Variants in GLIS3 observed in about 807,000 individuals in gnomAD.
GLIS3 encodes the protein zinc finger protein GLIS3.
A neutral mutation model predicts 78.6 loss-of-function variants in GLIS3; 53 were observed. That is an observed-to-expected ratio of 0.67 (90% confidence interval 0.54 to 0.85). The LOEUF (loss-of-function observed/expected upper bound fraction) is 0.85. GLIS3 is among the 40% of genes least tolerant of loss of function. The pLI is 0.00. For synonymous variants in GLIS3, 684 were observed against 509.9 expected (o/e 1.34, Z -4.60); for missense variants, 1,703 against 1,231.1 (o/e 1.38, Z -5.74).
intron 6 of GLIS3, among the ~76,000 whole-genome samples, chr9:3,919,526 A>AT (rs1824731810): frequency 2.0e-5 from 3 of 152,080 alleles, no homozygotes; most frequent in South Asian, 2.1e-4. Flanking sequence ...AAAATAACTA[A>AT]TAGGTAGTAT....
At chr9:4,272,304 C>T (rs1826582846) in intron 2 of GLIS3, among the ~76,000 whole-genome samples, 1 of 152,168 alleles carries the variant, frequency 6.6e-6, no homozygotes. Flanking sequence ...GACACTACAC[C>T]ACCACACATA....
the GLIS3 span, among the ~76,000 whole-genome samples, chr9:4,440,395 C>T: frequency 2.6e-5 from 4 of 152,124 alleles, no homozygotes; most frequent in African/African-American, 9.7e-5. Context: ...CTTCTTCTGC[C>T]TGTGGATATC....
intron 2 of GLIS3, among the ~76,000 whole-genome samples, chr9:4,182,628 T>C (rs1450879195): frequency 6.6e-6 from 1 of 152,168 alleles, no homozygotes; most frequent in Non-Finnish European, 1.5e-5. Context: ...TCGCACTCAC[T>C]CTTCATCTTC....
chr9:4,409,372 T>A, the GLIS3 span, among the ~76,000 whole-genome samples: 1 of 152,284 alleles, frequency 6.6e-6, no homozygotes, highest in East Asian at 1.9e-4. Context: ...TGTTCTCCAT[T>A]TTTTACTTAG....
At chr9:3,969,585 T>C (rs1818223932) in intron 4 of GLIS3, among the ~76,000 whole-genome samples, 1 of 152,224 alleles carries the variant, frequency 6.6e-6, no homozygotes, top group Admixed American at 6.5e-5. Context: ...TTGTTTATAG[T>C]AATCAGCACC....
chr9:4,150,309 A>G (rs1834573209), intron 2 of GLIS3, among the ~76,000 whole-genome samples: 1 of 152,242 alleles, frequency 6.6e-6, no homozygotes, highest in South Asian at 2.1e-4. Flanking sequence ...CCAGCCACTG[A>G]CTGTCCTCTG....
At chr9:4,438,794 G>T in the GLIS3 span, among the ~76,000 whole-genome samples, 1 of 152,144 alleles carries the variant, frequency 6.6e-6, no homozygotes, top group Non-Finnish European at 1.5e-5. Flanking sequence ...GACGTGTCTT[G>T]CTTCCCCTTC....
At chr9:3,961,205 G>C (rs567722877) in intron 4 of GLIS3, among the ~76,000 whole-genome samples, 1 of 152,286 alleles carries the variant, frequency 6.6e-6, no homozygotes, top group African/African-American at 2.4e-5. Flanking sequence ...AACCCGCTGT[G>C]CTCTTGCTGT....
intron 4 of GLIS3, among the ~76,000 whole-genome samples, chr9:3,981,639 T>C (rs1030313185): frequency 1.8e-4 from 27 of 152,304 alleles, no homozygotes; most frequent in Admixed American, 1.5e-3. Flanking sequence ...ATCAGGGGTA[T>C]GATACATAGT....
intron 1 of GLIS3, among the ~76,000 whole-genome samples, chr9:4,292,757 A>G (rs556462417): frequency 6.6e-6 from 1 of 152,326 alleles, no homozygotes; most frequent in South Asian, 2.1e-4. Context: ...GGGGATAGGT[A>G]ACTTCCCTGG....
At chr9:4,083,372 G>T (rs1828722104) in intron 4 of GLIS3, among the ~76,000 whole-genome samples, 1 of 151,922 alleles carries the variant, frequency 6.6e-6, no homozygotes, top group South Asian at 2.1e-4. Flanking sequence ...CCTTACCACA[G>T]CCCTCTAGGT....
In GLIS3 at chr9:4,283,120, C is replaced by G. The variant is rs891613187; in HGVS notation, c.388+2918G>C. On this transcript the variant is annotated intron_variant, in intron 2 of 10. Transcript: ENST00000381971. ...ACATACACACACACACACACACACA[C>G]AGGAATGCACTTTGCAGGATTGCAA... is the stretch of plus-strand genomic sequence containing the variant. Among the ~76,000 whole-genome samples the G allele has an allele frequency of 4.2e-5, 6 of 143,392 alleles. 1 individual carries two copies. Among genetic ancestry groups the G allele is most frequent in the East Asian group, 2.1e-4 (1 of 4,700 alleles). The allele number at this position is 143,392 out of a possible 152,430, so 94.1% of individuals were successfully genotyped here.
intron 4 of GLIS3, among the ~76,000 whole-genome samples, chr9:4,084,256 AACACACACACAC>A (rs370384726): frequency 2.8e-4 from 37 of 132,202 alleles, no homozygotes; most frequent in South Asian, 7.9e-4. Flanking sequence ...TCCTCTCTCT[AACACACACACAC>A]ACACACACAC....
intron 4 of GLIS3, among the ~76,000 whole-genome samples, chr9:4,058,424 C>G: frequency 6.6e-6 from 1 of 151,178 alleles, no homozygotes; most frequent in Non-Finnish European, 1.5e-5. Context: ...TCCAGACTCC[C>G]GAGACATATT....
At chr9:3,896,899 G>C (rs1379027299) in intron 7 of GLIS3, among the ~76,000 whole-genome samples, 1 of 152,068 alleles carries the variant, frequency 6.6e-6, no homozygotes, top group Admixed American at 6.5e-5. Flanking sequence ...TCTAATTCCA[G>C]AGCTCAAAAT....
intron 2 of GLIS3, among the ~76,000 whole-genome samples, chr9:4,267,157 C>G (rs1004962287): frequency 6.6e-6 from 1 of 152,136 alleles, no homozygotes; most frequent in African/African-American, 2.4e-5. Flanking sequence ...ACACCCATGT[C>G]CCCTTCCTTA....
upstream of GLIS3, among the ~76,000 whole-genome samples, chr9:4,304,632 T>G (rs1461115086): frequency 6.6e-6 from 1 of 152,096 alleles, no homozygotes; most frequent in Non-Finnish European, 1.5e-5. Flanking sequence ...GGTGAATTAT[T>G]TAAAAACTAG....
At chr9:3,877,814 T>C (rs1180876008) in intron 8 of GLIS3, among the ~76,000 whole-genome samples, 1 of 152,174 alleles carries the variant, frequency 6.6e-6, no homozygotes, top group East Asian at 1.9e-4. Context: ...TTCTCCTTGT[T>C]TTTCCCGTCT....
intron 4 of GLIS3, among the ~76,000 whole-genome samples, chr9:3,951,439 C>A (rs180800983): frequency 2.0e-5 from 3 of 149,568 alleles, no homozygotes; most frequent in Admixed American, 6.6e-5. Context: ...CAGCCAAGAA[C>A]AAAATGAAAG....
Sources: gnomAD v4.1 joint callset for allele counts (sites outside exome capture counted in the v4.1 genomes callset) on GRCh38, gnomAD v4.1.1 for gene constraint, MANE v1.5 for transcripts, NCBI Gene and HGNC (gene_info 2026-07-23, HGNC 2026-07-21) for gene names.